The following TENM4 variants were observed in gnomAD, a reference collection of about 807,000 sequenced individuals.
The protein encoded by TENM4 is teneurin-4.
TENM4 carries 82 observed loss-of-function variants against 243.3 expected under a neutral mutation model. The ratio of observed to expected loss-of-function variants is 0.34; its 90% confidence interval spans 0.28 to 0.40. The LOEUF is 0.40. Ranked by LOEUF, TENM4 falls within the 10% of genes least tolerant of loss-of-function variation. The probability of loss-of-function intolerance (pLI) is 1.00; values close to 1 mark genes in which losing one functional copy is unlikely to be tolerated. For missense variants in TENM4, 3,138 were observed against 3,673.3 expected, an observed-to-expected ratio of 0.85 and a Z score of 3.77; for synonymous variants, 1,412 against 1,456.3, an observed-to-expected ratio of 0.97 and a Z score of 0.69.
intron 14 of TENM4, among the ~76,000 whole-genome samples, chr11:78,807,141 T>C (rs1274126413): frequency 6.6e-6 from 1 of 152,228 alleles, no homozygotes; most frequent in East Asian, 1.9e-4. Flanking sequence ...CTATTGTGAA[T>C]AGGTTGCTAT....
chr11:79,309,669 GGCTGTGAGCCA>G (rs1334839232), intron 1 of TENM4, among the ~76,000 whole-genome samples: 1 of 152,208 alleles, frequency 6.6e-6, no homozygotes, highest in Non-Finnish European at 1.5e-5. Flanking sequence ...CTGAGTTGCA[GGCTGTGAGCCA>G]TAGACTTAGA....
At chr11:78,771,631 T>A (rs553743435) in intron 17 of TENM4, among the ~76,000 whole-genome samples, 2 of 152,222 alleles carry the variant, frequency 1.3e-5, no homozygotes, top group East Asian at 3.8e-4. Context: ...TTTTTCCAAC[T>A]CTTGTAGTAG....
At chr11:79,231,851 A>G (rs1864379544) in intron 2 of TENM4, among the ~76,000 whole-genome samples, 1 of 152,164 alleles carries the variant, frequency 6.6e-6, no homozygotes, top group African/African-American at 2.4e-5. Flanking sequence ...AGGCTGAGGC[A>G]GGGAGATCAC....
intron 3 of TENM4, among the ~76,000 whole-genome samples, chr11:79,204,796 C>G (rs190499676): frequency 6.6e-6 from 1 of 152,118 alleles, no homozygotes; most frequent in Admixed American, 6.6e-5. Context: ...AAAACCTTCA[C>G]GGCAACACGG....
chr11:79,177,596 A>G (rs909982652), intron 3 of TENM4, among the ~76,000 whole-genome samples: 1 of 152,128 alleles, frequency 6.6e-6, no homozygotes, highest in African/African-American at 2.4e-5. Context: ...GATCAATATT[A>G]TGGAGGAAAG....
At chr11:78,767,837 T>G (rs2135986106) in intron 18 of TENM4, among the ~76,000 whole-genome samples, 1 of 152,318 alleles carries the variant, frequency 6.6e-6, no homozygotes, top group African/African-American at 2.4e-5. Context: ...TCCATTAGAT[T>G]GAGTCATCTG....
intron 27 of TENM4, among the ~76,000 whole-genome samples, chr11:78,706,581 A>G (rs1244416695): frequency 2.6e-5 from 4 of 152,242 alleles, no homozygotes; most frequent in African/African-American, 9.6e-5. Context: ...ACATTCAGAC[A>G]AAGGTAGTGA....
At chr11:78,791,984 T>C (rs187965091) in intron 15 of TENM4, among the ~76,000 whole-genome samples, 1 of 152,298 alleles carries the variant, frequency 6.6e-6, no homozygotes, top group East Asian at 1.9e-4. Context: ...AGATTCTGAC[T>C]CCCCAGTTTC....
intron 6 of TENM4, among the ~76,000 whole-genome samples, chr11:79,051,495 A>T (rs1355728618): frequency 6.6e-6 from 1 of 152,226 alleles, no homozygotes; most frequent in Non-Finnish European, 1.5e-5. Flanking sequence ...CATTCACTCA[A>T]GTAGTTCTAT....
At chr11:79,182,580 T>G (rs1197549798) in intron 3 of TENM4, among the ~76,000 whole-genome samples, 1 of 152,156 alleles carries the variant, frequency 6.6e-6, no homozygotes, top group Non-Finnish European at 1.5e-5. Context: ...AGCTAGATAT[T>G]AAAATTAAAA....
chr11:79,241,628 C>T (rs1412886629), intron 2 of TENM4, among the ~76,000 whole-genome samples: 1 of 152,174 alleles, frequency 6.6e-6, no homozygotes, highest in Admixed American at 6.5e-5. Context: ...AGAGACTTAG[C>T]ATGGTGCCCA....
intron 4 of TENM4, among the ~76,000 whole-genome samples, chr11:79,103,111 G>A (rs1026079557): frequency 3.9e-5 from 6 of 151,974 alleles, no homozygotes; most frequent in Non-Finnish European, 2.9e-5. Context: ...ATACACTGGC[G>A]GTGCCGCTGT....
At chr11:79,420,584 G>A (rs138013959) in intron 1 of TENM4, among the ~76,000 whole-genome samples, 1 of 152,256 alleles carries the variant, frequency 6.6e-6, no homozygotes, top group African/African-American at 2.4e-5. Context: ...ATTCGCATAA[G>A]CATAGTGAAG....
chr11:78,922,930 T>TA (rs1856476525), intron 6 of TENM4, among the ~76,000 whole-genome samples: 1 of 152,136 alleles, frequency 6.6e-6, no homozygotes, highest in African/African-American at 2.4e-5. Context: ...CACTACCACT[T>TA]ACCACTATTT....
intron 6 of TENM4, 200 bp downstream of exon 6, chr11:79,064,538 C>T (rs771006498): frequency 4.8e-5 from 33 of 685,422 alleles, no homozygotes; most frequent in Non-Finnish European, 7.4e-5. Flanking sequence ...CAAAGAGCAG[C>T]GACCCAATCT....
In TENM4 at chr11:79,069,979, AG is replaced by A. The variant is rs1860369172; in HGVS notation, c.-36del. On this transcript the variant is annotated 5_prime_UTR_variant, in exon 5 of 34. Transcript: ENST00000278550. ...CCCGCGCTCCTCCACATCCACAAACAGGGTCCTCGCCGCACTCAGGGCCGAG... is the reference window on the plus strand; with the variant it reads ...CCCGCGCTCCTCCACATCCACAAACAGGTCCTCGCCGCACTCAGGGCCGAG... 1.3e-6 allele frequency: 2 copies of A among 1,538,264 alleles called. No homozygotes were observed. The highest frequency in any genetic ancestry group is 1.7e-6 in the Non-Finnish European group (2 of 1,144,050).
At chr11:79,195,556 A>C (rs1863608922) in intron 3 of TENM4, among the ~76,000 whole-genome samples, 1 of 152,094 alleles carries the variant, frequency 6.6e-6, no homozygotes, top group Non-Finnish European at 1.5e-5. Flanking sequence ...GGAGCTTCAA[A>C]ATTTGACTGC....
Position 79,263,523 on chromosome 11 carries a change from T to C in TENM4, c.-265+33965A>G, listed in dbSNP as rs556155603. ...GTGCACTCTAGTTTTTCCAGAAACA[T>C]GGAGTTTGCAGAAAGAAAGGTGCAA... On this transcript the variant is annotated intron_variant, in intron 2 of 33. Coordinates refer to ENST00000278550, the MANE Select transcript of TENM4 (RefSeq NM_001098816.3). 1.2e-3 allele frequency among the ~76,000 whole-genome samples: 183 copies of C among 152,322 alleles called. 1 individual carries two copies. The highest frequency in any genetic ancestry group is 4.0e-3 in the African/African-American group (167 of 41,576).
chr11:79,415,185 C>T (rs1858786878), intron 1 of TENM4, among the ~76,000 whole-genome samples: 1 of 152,206 alleles, frequency 6.6e-6, no homozygotes, highest in Non-Finnish European at 1.5e-5. Flanking sequence ...GAAGTCCTTC[C>T]AATCCTCAAA....
Sources: gnomAD v4.1 joint callset for allele counts (sites outside exome capture counted in the v4.1 genomes callset) on GRCh38, gnomAD v4.1.1 for gene constraint, MANE v1.5 for transcripts, NCBI Gene and HGNC (gene_info 2026-07-23, HGNC 2026-07-21) for gene names.